VPS37C: variants seen among roughly 807,000 people sequenced by gnomAD.
VPS37C encodes the protein vacuolar protein sorting-associated protein 37C.
In VPS37C, 9 loss-of-function variants were observed where a neutral mutation model predicts 16.1. The ratio of observed to expected loss-of-function variants is 0.56; its 90% CI spans 0.34 to 0.97. The LOEUF (loss-of-function observed/expected upper bound fraction) is 0.97, where lower values mean the gene tolerates loss of function less well. Among genes scored for constraint, VPS37C ranks in the 50% least tolerant of loss-of-function variants. The pLI, the probability that VPS37C is intolerant of heterozygous loss-of-function variation, is 0.02. For synonymous variants in VPS37C, 207 were observed against 206.4 expected (o/e 1.00, Z -0.02); for missense variants, 479 against 472.7 (o/e 1.01, Z -0.12).
intron 4 of VPS37C, chr11:61,132,882 C>A (rs1372195527): frequency 5.7e-6 from 3 of 527,924 alleles, no homozygotes; most frequent in Non-Finnish European, 1.0e-5. Flanking sequence ...GCTTCTTCCA[C>A]CCAGACACAG....
intron 1 of VPS37C, among the ~76,000 whole-genome samples, chr11:61,141,593 C>G (rs929323341): frequency 5.9e-5 from 9 of 152,168 alleles, no homozygotes; most frequent in Admixed American, 5.9e-4. Flanking sequence ...AGTCCAGGCC[C>G]TGCCCCTCGC....
rs1861256560 is a variant in VPS37C, at chr11:61,131,472, C to T, written c.*348G>A. 1 of 224,952 alleles carries T rather than the reference C, an allele frequency of 4.4e-6. No individual in the cohort carries two copies. The highest frequency in any genetic ancestry group is 8.7e-5 in the East Asian group (1 of 11,536). The allele number at this position is 224,952 out of a possible 1,614,324, so 13.9% of individuals were successfully genotyped here. ...GCCTCCTCATAGAGATAACTCTGCACTGGGTTCAAATGGCCCTGAGTGCAG... is the reference window on the plus strand; with the variant it reads ...GCCTCCTCATAGAGATAACTCTGCATTGGGTTCAAATGGCCCTGAGTGCAG... On this transcript the variant is annotated 3_prime_UTR_variant, in exon 5 of 5. Transcript: ENST00000301765.
chr11:61,142,516 G>C (rs1284182469), intron 1 of VPS37C, among the ~76,000 whole-genome samples: 2 of 152,122 alleles, frequency 1.3e-5, no homozygotes, highest in Admixed American at 1.3e-4. Flanking sequence ...TAACAGGTGT[G>C]AGCCACCACA....
chr11:61,144,614 T>A (rs1031654534), intron 1 of VPS37C: 1 of 152,232 alleles, frequency 6.6e-6, no homozygotes, highest in Non-Finnish European at 1.5e-5. Flanking sequence ...GGCTTCAGAT[T>A]TGCAGTGACG....
chr11:61,143,967 A>AG lies in VPS37C; in HGVS notation c.-6-5133_-6-5132insC, dbSNP rs745575418. On this transcript the variant is annotated intron_variant, in intron 1 of 4. Transcript: ENST00000301765. ...GAGCGACCACGCCCGGCCGATTCTT[A>AG]ATTTTTTTTTTTTTTTTTTGAGACG... 3.3e-3 allele frequency: 427 copies of AG among 127,760 alleles called. 27 individuals carry two copies. Among genetic ancestry groups the AG allele is most frequent in the East Asian group, 8.0e-3 (32 of 4,022 alleles). 7.9% of individuals were successfully genotyped at this position (127,760 alleles called of 1,614,324 possible).
At position 61,131,732 on chromosome 11, in the gene VPS37C, T is replaced by C; in HGVS notation, c.*88A>G. 8.1e-7 allele frequency: 1 copy of C among 1,232,800 alleles called. No individual in the cohort carries two copies. Among genetic ancestry groups the C allele is most frequent in the Non-Finnish European group, 1.0e-6 (1 of 988,272 alleles). The allele number at this position is 1,232,800 out of a possible 1,614,324, so 76.4% of individuals were successfully genotyped here. ...AGTCCACAGGGAGCACCAACGCCACTTCCAGTTGACCCTCGAATCTCGGCG... is the reference window on the plus strand; with the variant it reads ...AGTCCACAGGGAGCACCAACGCCACCTCCAGTTGACCCTCGAATCTCGGCG... On this transcript the variant is annotated 3_prime_UTR_variant, in exon 5 of 5. Coordinates refer to ENST00000301765, the MANE Select transcript of VPS37C (RefSeq NM_017966.5).
At chr11:61,150,287 C>T (rs145206135) in intron 1 of VPS37C, among the ~76,000 whole-genome samples, 159 of 152,316 alleles carry the variant, frequency 1.0e-3, no homozygotes, top group Non-Finnish European at 1.8e-3. Context: ...CATCCCTGCC[C>T]TATGCAGGCT....
At chr11:61,154,930 C>T (rs766973910) in intron 1 of VPS37C, among the ~76,000 whole-genome samples, 2 of 151,818 alleles carry the variant, frequency 1.3e-5, no homozygotes, top group African/African-American at 4.8e-5. Flanking sequence ...CATAGTGAGA[C>T]CCTGTCTCTA....
intron 1 of VPS37C, among the ~76,000 whole-genome samples, chr11:61,147,593 G>C: frequency 6.7e-6 from 1 of 148,652 alleles, no homozygotes; most frequent in Non-Finnish European, 1.5e-5. Context: ...TGTTTTTATC[G>C]GGGAAAAAAA....
At chr11:61,146,307 G>C (rs1853205864) in intron 1 of VPS37C, among the ~76,000 whole-genome samples, 1 of 152,214 alleles carries the variant, frequency 6.6e-6, no homozygotes, top group Non-Finnish European at 1.5e-5. Context: ...ATATTTGGGG[G>C]GTTCTTACTA....
Position 61,132,417 on chromosome 11 carries a change from C to T in VPS37C, c.471G>A (p.Val157=), listed in dbSNP as rs774129727. 18 of 1,609,878 alleles carry T rather than the reference C, an allele frequency of 1.1e-5. No homozygotes were observed. Among genetic ancestry groups the T allele is most frequent in the Non-Finnish European group, 1.5e-5 (18 of 1,178,178 alleles). The stretch of plus-strand genomic sequence containing the variant: ...GCTCCTGGGAAGCCCTGGGCTTCCT[C>T]ACCACTTCCTGGAGCTTTTCCACGC... ...RVRVEKLQEV[V]RKPRASQELA... Residue 157 remains valine, a synonymous_variant, in exon 5 of 5, where the codon GTG becomes GTA. Transcript: ENST00000301765.
intron 1 of VPS37C, among the ~76,000 whole-genome samples, chr11:61,154,650 A>T (rs893403739): frequency 6.6e-6 from 1 of 152,112 alleles, no homozygotes. Flanking sequence ...AAAAGGGAAT[A>T]AAAAAAATAT....
Position 61,150,463 on chromosome 11 carries a change from A to G in VPS37C, c.-7+10928T>C, listed in dbSNP as rs960984452. The stretch of plus-strand genomic sequence containing the variant: ...TGGGTGGCGGCGGGAGGGGTCAAGT[A>G]GCCTAACCAGTCTGGACAAGACACC... On this transcript the variant is annotated intron_variant, in intron 1 of 4. Transcript: ENST00000301765. Among the ~76,000 whole-genome samples, 5 of 151,124 alleles carry G rather than the reference A, an allele frequency of 3.3e-5. No homozygotes were observed. The East Asian group carries it at 9.7e-4, about 29-fold the overall frequency.
chr11:61,133,457 G>A lies in VPS37C; in HGVS notation c.266-120C>T, dbSNP rs1195121322. ...GCCACCACAGCAGGGTCCACCAAAG[G>A]GTCCTTCTGGGTGGGCTTGATGAGC... On this transcript the variant is annotated intron_variant, in intron 3 of 4. Transcript: ENST00000301765. The A allele has an allele frequency of 1.3e-5, 13 of 971,542 alleles. No individual in the cohort carries two copies. In the East Asian group the frequency reaches 2.9e-4, roughly 22 times the overall value. 60.2% of individuals were successfully genotyped at this position (971,542 alleles called of 1,614,324 possible).
intron 1 of VPS37C, among the ~76,000 whole-genome samples, chr11:61,150,917 G>C (rs1853288948): frequency 6.6e-6 from 1 of 152,220 alleles, no homozygotes; most frequent in Non-Finnish European, 1.5e-5. Context: ...CTGAGGTTTA[G>C]AGGCTGCTCA....
chr11:61,154,904 C>T (rs1243011315), intron 1 of VPS37C, among the ~76,000 whole-genome samples: 5 of 151,480 alleles, frequency 3.3e-5, no homozygotes, highest in Admixed American at 6.6e-5. Flanking sequence ...CAGGAGTTTT[C>T]GACCACCCTG....
intron 2 of VPS37C, among the ~76,000 whole-genome samples, chr11:61,135,841 T>C (rs1861361095): frequency 6.6e-6 from 1 of 152,226 alleles, no homozygotes; most frequent in South Asian, 2.1e-4. Context: ...GGCCTCCCTA[T>C]AGGTCCACTG....
intron 2 of VPS37C, among the ~76,000 whole-genome samples, chr11:61,135,862 G>A (rs540621002): frequency 6.6e-6 from 1 of 152,298 alleles, no homozygotes; most frequent in East Asian, 1.9e-4. Context: ...CCTTTTCCCT[G>A]CGTCTAAACC....
At position 61,134,208 on chromosome 11, in the gene VPS37C, C is replaced by A. The variant is rs200989729; in HGVS notation, c.94-1G>T. The A allele has an allele frequency of 6.2e-7, 1 of 1,609,900 alleles. No homozygotes were observed. The highest frequency in any genetic ancestry group is 1.3e-5 in the African/African-American group (1 of 74,848). ...CCCGTTCCAGCTGTAGGTCCTGGAC[C>A]TAAAAGGGCAGGACAACAGAACCTA... is the stretch of plus-strand genomic sequence containing the variant. On this transcript the variant is annotated splice_acceptor_variant, in intron 2 of 4. Transcript: ENST00000301765. LOFTEE classifies it high-confidence loss of function.
Sources: gnomAD v4.1 joint callset for allele counts (sites outside exome capture counted in the v4.1 genomes callset) on GRCh38, gnomAD v4.1.1 for gene constraint, MANE v1.5 for transcripts, NCBI Gene and HGNC (gene_info 2026-07-23, HGNC 2026-07-21) for gene names.